Variants in RBFOX1 observed in about 807,000 individuals in gnomAD.
RBFOX1 encodes RNA binding fox-1 homolog 1.
In RBFOX1, 8 loss-of-function variants were observed where a neutral mutation model predicts 57.7. That is an observed-to-expected ratio of 0.14 (90% CI 0.08 to 0.25). The LOEUF (loss-of-function observed/expected upper bound fraction) is 0.25. RBFOX1 is among the 10% of genes least tolerant of loss of function. The pLI, the probability that RBFOX1 is intolerant of heterozygous loss-of-function variation, is 1.00. For missense variants in RBFOX1, 611 were observed against 548.5 expected (o/e 1.11, Z -1.14); for synonymous variants, 326 against 222.4 (o/e 1.47, Z -4.15).
chr16:7,685,504 T>G (rs2075875259), intron 14 of RBFOX1, among the ~76,000 whole-genome samples: 1 of 152,150 alleles, frequency 6.6e-6, no homozygotes, highest in African/African-American at 2.4e-5. Flanking sequence ...TTCACTTTAC[T>G]GACCCTCAGT....
intron 4 of RBFOX1, among the ~76,000 whole-genome samples, chr16:7,381,023 T>TGGTATTTTG (rs562121056): frequency 2.6e-5 from 4 of 152,360 alleles, no homozygotes; most frequent in African/African-American, 9.6e-5. Flanking sequence ...AACACTTTCT[T>TGGTATTTTG]GGTATTTTGT....
intron 4 of RBFOX1, among the ~76,000 whole-genome samples, chr16:7,438,928 A>G (rs574344005): frequency 6.6e-6 from 1 of 152,208 alleles, no homozygotes; most frequent in African/African-American, 2.4e-5. Context: ...GTCCCTGGGA[A>G]TAAAAAGAAA....
At chr16:5,733,464 C>T (rs1442829995) in intron 3 of RBFOX1, among the ~76,000 whole-genome samples, 5 of 152,240 alleles carry the variant, frequency 3.3e-5, no homozygotes, top group East Asian at 1.9e-4. Context: ...ATTGTCCTCC[C>T]GAGCAGCAGT....
chr16:6,443,442 G>T (rs1294872702), intron 2 of RBFOX1, among the ~76,000 whole-genome samples: 1 of 152,112 alleles, frequency 6.6e-6, no homozygotes, highest in Admixed American at 6.5e-5. Context: ...GTTTTGCATT[G>T]TTTTGATTTC....
chr16:5,592,816 A>C (rs567751141), intron 2 of RBFOX1, among the ~76,000 whole-genome samples: 8 of 152,258 alleles, frequency 5.3e-5, no homozygotes, highest in Admixed American at 2.6e-4. Flanking sequence ...TGGCGTCCAG[A>C]ATTCCCAAGG....
intron 4 of RBFOX1, among the ~76,000 whole-genome samples, chr16:7,409,214 C>G (rs1327629446): frequency 1.3e-5 from 2 of 152,202 alleles, no homozygotes; most frequent in Non-Finnish European, 2.9e-5. Context: ...GAATGAGAAT[C>G]TCTCTGATGT....
chr16:7,148,307 A>T (rs138854820), intron 4 of RBFOX1, among the ~76,000 whole-genome samples: 1 of 152,296 alleles, frequency 6.6e-6, no homozygotes, highest in African/African-American at 2.4e-5. Flanking sequence ...TTTCCTTTCA[A>T]TGTTGTTTAT....
chr16:5,416,876 C>G (rs1045577058), intron 1 of RBFOX1, among the ~76,000 whole-genome samples: 2 of 152,132 alleles, frequency 1.3e-5, no homozygotes, highest in African/African-American at 4.8e-5. Context: ...GCGGCATAAC[C>G]CAGCCCATCC....
rs33934959 is a variant in RBFOX1, at chr16:5,343,298, G to GTTT, written c.219+103211_219+103213dup. 5.6e-3 allele frequency among the ~76,000 whole-genome samples: 610 copies of GTTT among 109,908 alleles called. 4 individuals carry two copies. Among genetic ancestry groups the GTTT allele is most frequent in the African/African-American group, 0.015 (436 of 29,974 alleles). The allele number at this position is 109,908 out of a possible 152,430, so 72.1% of individuals were successfully genotyped here. ...CCTTTAAAACTTTCACTTCTTTGAAGTTTTTTTTTTTTTTTTTTTTGGTTT... is the reference window on the plus strand; with the variant it reads ...CCTTTAAAACTTTCACTTCTTTGAAGTTTTTTTTTTTTTTTTTTTTTTTGGTTT... On this transcript the variant is annotated intron_variant, in intron 1 of 2. Transcript: ENST00000585867.
chr16:5,667,558 T>G (rs2049886822), intron 3 of RBFOX1, among the ~76,000 whole-genome samples: 1 of 152,238 alleles, frequency 6.6e-6, no homozygotes, highest in African/African-American at 2.4e-5. Context: ...ATTCTTGATT[T>G]CCTTTGTGGC....
intron 4 of RBFOX1, among the ~76,000 whole-genome samples, chr16:7,268,362 C>A (rs1414903906): frequency 6.6e-6 from 1 of 152,124 alleles, no homozygotes; most frequent in African/African-American, 2.4e-5. Flanking sequence ...CTGAAGAAGT[C>A]CAGGCAGCCT....
chr16:7,138,610 C>A lies in RBFOX1; in HGVS notation c.27+86512C>A, dbSNP rs187414554. Among the ~76,000 whole-genome samples, 130 of 152,284 alleles carry A rather than the reference C, an allele frequency of 8.5e-4. 1 individual carries two copies. The highest frequency in any genetic ancestry group is 7.3e-3 in the Admixed American group (111 of 15,300). Reference sequence around the variant, plus strand: ...CTTCATGGCCAGGAAATGTAACCCCCCATTATGCAAAAGATAATAATTCTC... The same window carrying A: ...CTTCATGGCCAGGAAATGTAACCCCACATTATGCAAAAGATAATAATTCTC... On this transcript the variant is annotated intron_variant, in intron 4 of 15. Transcript: ENST00000550418.
At chr16:7,200,824 C>A (rs1198570932) in intron 4 of RBFOX1, among the ~76,000 whole-genome samples, 3 of 152,164 alleles carry the variant, frequency 2.0e-5, no homozygotes, top group African/African-American at 7.2e-5. Flanking sequence ...ACCATAGGCC[C>A]TTTCATGCTT....
intron 1 of RBFOX1, among the ~76,000 whole-genome samples, chr16:5,346,929 T>C (rs77639115): frequency 0.047 from 7,128 of 152,228 alleles, 540 homozygotes; most frequent in African/African-American, 0.16. Flanking sequence ...CCCTGGCTTG[T>C]GGTAAGTGCC....
intron 1 of RBFOX1, among the ~76,000 whole-genome samples, chr16:5,369,471 A>G (rs1431293263): frequency 6.6e-6 from 1 of 152,188 alleles, no homozygotes; most frequent in East Asian, 1.9e-4. Context: ...CAGGCACTGC[A>G]CTTAGATGCT....
chr16:6,528,497 C>T (rs977897359), intron 2 of RBFOX1, among the ~76,000 whole-genome samples: 1 of 152,218 alleles, frequency 6.6e-6, no homozygotes, highest in Non-Finnish European at 1.5e-5. Context: ...GCAACAGGAG[C>T]AAATGGTGAA....
chr16:5,418,083 A>ACAG (rs1281208181), intron 1 of RBFOX1, among the ~76,000 whole-genome samples: 1 of 150,908 alleles, frequency 6.6e-6, no homozygotes, highest in Non-Finnish European at 1.5e-5. Context: ...CTCCATCTCA[A>ACAG]CAACAACAAC....
At chr16:6,236,949 T>C (rs2097509474) in intron 1 of RBFOX1, among the ~76,000 whole-genome samples, 1 of 152,200 alleles carries the variant, frequency 6.6e-6, no homozygotes, top group Non-Finnish European at 1.5e-5. Flanking sequence ...AACTCAAGTC[T>C]ATTTGGCCCC....
chr16:7,412,139 A>G (rs919299808), intron 4 of RBFOX1, among the ~76,000 whole-genome samples: 2 of 152,154 alleles, frequency 1.3e-5, no homozygotes, highest in African/African-American at 4.8e-5. Context: ...AGATGTTAAT[A>G]ATAGTGAAAA....
Sources: allele counts gnomAD v4.1 joint callset (sites outside exome capture counted in the v4.1 genomes callset), GRCh38; gene constraint gnomAD v4.1.1; transcripts MANE v1.5; gene names NCBI Gene and HGNC (gene_info 2026-07-23, HGNC 2026-07-21).